The following BMP1 variants were observed in gnomAD, a reference collection of about 807,000 sequenced individuals.
BMP1 encodes the protein mammalian tolloid protein.
BMP1 carries 63 observed loss-of-function variants against 116.8 expected under a neutral mutation model. That is an observed-to-expected ratio of 0.54 (90% CI 0.44 to 0.67). BMP1 has a LOEUF of 0.67. Among genes scored for constraint, BMP1 ranks in the 30% least tolerant of loss-of-function variants. The probability of loss-of-function intolerance (pLI) is 0.00; values close to 1 mark genes in which losing one functional copy is unlikely to be tolerated. For missense variants in BMP1, 1,183 were observed against 1,358.9 expected (o/e 0.87, Z 2.04); for synonymous variants, 536 against 533.4 (o/e 1.00, Z -0.07).
chr8:22,203,675 A>T (rs1829302584), intron 16 of BMP1, among the ~76,000 whole-genome samples: 1 of 152,222 alleles, frequency 6.6e-6, no homozygotes, highest in South Asian at 2.1e-4. Flanking sequence ...GGTTAGGTTG[A>T]CAACCCAGGT....
rs904296919 is a variant in BMP1 at position 22,177,908 on chromosome 8, A to G, written c.787A>G (p.Thr263Ala). The stretch of plus-strand genomic sequence containing the variant: ...TCAGGAGGTGGAGTCCCTGGGGGAG[A>G]CCTATGACTTCGACAGCATCATGCA... ...EPQEVESLGE[T>A]YDFDSIMHYA... Residue 263 changes from threonine to alanine, a missense_variant, in exon 6 of 20, where the codon ACC becomes GCC. Physicochemically the swap from Thr to Ala is moderately conservative, Grantham distance 58. This residue lies in a region of BMP1 where 956 missense variants were observed against 1,135.2 expected (regional missense o/e 0.84). Coordinates refer to ENST00000306385, the MANE Select transcript of BMP1 (RefSeq NM_006129.5). 1.1e-5 allele frequency: 18 copies of G among 1,613,124 alleles called. No homozygotes were observed. The African/African-American group carries it at 1.7e-4, about 16-fold the overall frequency.
Position 22,197,280 on chromosome 8 carries a change from C to T in BMP1, c.1967C>T (p.Thr656Ile). 1 of 1,613,836 alleles carries T rather than the reference C, an allele frequency of 6.2e-7. No individual in the cohort carries two copies. Among genetic ancestry groups the T allele is most frequent in the South Asian group, 1.1e-5 (1 of 91,082 alleles). ...YDFVEVRSGL[T>I]ADSKLHGKFC... Reference sequence around the variant, plus strand: ...TTCGTGGAGGTGCGCAGTGGACTCACAGCTGACTCCAAGCTGCATGGCAAG... The same window carrying T: ...TTCGTGGAGGTGCGCAGTGGACTCATAGCTGACTCCAAGCTGCATGGCAAG... Residue 656 changes from threonine to isoleucine, a missense_variant, in exon 15 of 20, where the codon ACA becomes ATA. Around this residue, in one of 4 missense-constraint regions of BMP1, gnomAD observed 956 missense variants for 1,135.2 expected, o/e 0.84. Transcript: ENST00000306385.
At chr8:22,209,406 C>T (rs765233283) in intron 18 of BMP1, 39 bp from the exon 19 acceptor site, 160 of 1,604,474 alleles carry the variant, frequency 1.0e-4, no homozygotes, top group East Asian at 7.8e-4. Context: ...CTGGCACCTG[C>T]GGTGCTCAGG....
chr8:22,211,223 T>C (rs1239072227), intron 19 of BMP1, among the ~76,000 whole-genome samples: 1 of 152,218 alleles, frequency 6.6e-6, no homozygotes, highest in East Asian at 1.9e-4. Context: ...GCAAAATACT[T>C]TGACATCGGT....
Position 22,192,106 on chromosome 8 carries a change from TATGTGGAGGTCCGAGATGGCTTCTGGAGG to T in BMP1, c.1137_1165del (p.Tyr379Ter). Reference sequence around the variant, plus strand: ...CCGCAGCCGCCTGTGCTGGTACGACTATGTGGAGGTCCGAGATGGCTTCTGGAGGAAGGCGCCCCTCCGAGGTAACGGCA... The same window carrying T: ...CCGCAGCCGCCTGTGCTGGTACGACTAAGGCGCCCCTCCGAGGTAACGGCA... On this transcript the variant is annotated frameshift_variant, in exon 9 of 20. Coordinates refer to ENST00000306385, the MANE Select transcript of BMP1 (RefSeq NM_006129.5). LOFTEE classifies it high-confidence loss of function. The T allele has an allele frequency of 6.2e-7, 1 of 1,613,962 alleles. No homozygotes were observed. Among genetic ancestry groups the T allele is most frequent in the Non-Finnish European group, 8.5e-7 (1 of 1,179,890 alleles).
At chr8:22,189,436 A>ACACG (rs1480626826) in intron 8 of BMP1, among the ~76,000 whole-genome samples, 1 of 144,866 alleles carries the variant, frequency 6.9e-6, no homozygotes, top group Non-Finnish European at 1.5e-5. Context: ...ATGGAGATAC[A>ACACG]CACACACACA....
At chr8:22,176,780 A>G (rs1015968615) in intron 4 of BMP1, 130 bp downstream of exon 4, 2 of 1,090,016 alleles carry the variant, frequency 1.8e-6, no homozygotes, top group Non-Finnish European at 2.7e-6. Context: ...TGGGGCATCT[A>G]CCCAGGAACT....
rs73670371 is a variant in BMP1, at chr8:22,185,099, A to C, written c.1077+4616A>C. On this transcript the variant is annotated intron_variant, in intron 8 of 19. Coordinates refer to ENST00000306385, the MANE Select transcript of BMP1 (RefSeq NM_006129.5). Reference sequence around the variant, plus strand: ...CTTGTAATTAGCAGCTGGCGCGGAGAGGACTGACAGTGTTTCCCCAGCAAC... The same window carrying C: ...CTTGTAATTAGCAGCTGGCGCGGAGCGGACTGACAGTGTTTCCCCAGCAAC... Among the ~76,000 whole-genome samples, 1,086 of 152,242 alleles carry C rather than the reference A, an allele frequency of 7.1e-3. 10 individuals carry two copies. The highest frequency in any genetic ancestry group is 0.025 in the African/African-American group (1,032 of 41,544).
chr8:22,172,242 G>A (rs1476239091), intron 1 of BMP1, among the ~76,000 whole-genome samples: 1 of 152,188 alleles, frequency 6.6e-6, no homozygotes, highest in African/African-American at 2.4e-5. Context: ...CCCACCTGTA[G>A]CCCAGCCTCC....
intron 2 of BMP1, among the ~76,000 whole-genome samples, chr8:22,173,938 CA>C (rs1828357404): frequency 6.6e-6 from 1 of 152,240 alleles, no homozygotes; most frequent in Non-Finnish European, 1.5e-5. Flanking sequence ...TTTTTGTTTA[CA>C]GTTTAAAAAC....
At chr8:22,198,403 T>A (rs1026143201) in intron 15 of BMP1, 2 of 152,284 alleles carry the variant, frequency 1.3e-5, no homozygotes, top group African/African-American at 4.8e-5. Flanking sequence ...TCTCAGCTGA[T>A]CCTCCGGGTC....
intron 1 of BMP1, among the ~76,000 whole-genome samples, chr8:22,167,664 C>T (rs1019652782): frequency 3.9e-5 from 6 of 152,180 alleles, no homozygotes; most frequent in Non-Finnish European, 5.9e-5. Flanking sequence ...CTGGAGAAAG[C>T]ACTCCAACTG....
chr8:22,208,174 G>A (rs748325047), intron 18 of BMP1, among the ~76,000 whole-genome samples: 9 of 152,180 alleles, frequency 5.9e-5, no homozygotes, highest in Non-Finnish European at 8.8e-5. Context: ...GTGAGCCACC[G>A]TGCCCAGCCC....
rs778259230 is a variant in BMP1, at chr8:22,207,292, C to T, written c.2362-11C>T. 26 of 1,604,268 alleles carry T rather than the reference C, an allele frequency of 1.6e-5. No individual in the cohort carries two copies. Among genetic ancestry groups the T allele is most frequent in the Admixed American group, 1.0e-4 (6 of 59,842 alleles). On this transcript the variant is annotated splice_polypyrimidine_tract_variant and intron_variant, in intron 17 of 19. Coordinates refer to ENST00000306385, the MANE Select transcript of BMP1 (RefSeq NM_006129.5). Reference sequence around the variant, plus strand: ...AAATTTTTAATCTGTGCTCCTTCCTCATCCCCCTAGACCTTCATGGAGATG... The same window carrying T: ...AAATTTTTAATCTGTGCTCCTTCCTTATCCCCCTAGACCTTCATGGAGATG...
In BMP1 at chr8:22,194,127, G is replaced by A. The variant is rs750136928; in HGVS notation, c.1250G>A (p.Arg417His). Residue 417 changes from arginine (R) to histidine (H), a missense_variant, in exon 10 of 20, where the codon CGC becomes CAC. This residue lies in a region of BMP1 where 956 missense variants were observed against 1,135.2 expected (regional missense o/e 0.84). Transcript: ENST00000306385. This position sits in a 1 kb window ranked among gnomAD's most constrained non-coding sequence, Gnocchi z 4.5. ...STDSRLWVEFRSSSNWVGKGF... is the reference protein window; with the variant it reads ...STDSRLWVEFHSSSNWVGKGF... ...GACAGCCGCCTCTGGGTTGAATTCC[G>A]CAGCAGCAGCAATTGGGTTGGAAAG... The A allele has an allele frequency of 9.3e-6, 15 of 1,613,844 alleles. No homozygotes were observed. Among genetic ancestry groups the A allele is most frequent in the South Asian group, 1.1e-5 (1 of 91,046 alleles).
At chr8:22,172,150 G>T (rs555469575) in intron 1 of BMP1, among the ~76,000 whole-genome samples, 1 of 152,094 alleles carries the variant, frequency 6.6e-6, no homozygotes, top group African/African-American at 2.4e-5. Flanking sequence ...TGTGTAACGC[G>T]ACCGCCAGGC....
At chr8:22,196,913 C>T (rs1829109721) in intron 14 of BMP1, 73 bp downstream of exon 14, 1 of 1,513,862 alleles carries the variant, frequency 6.6e-7, no homozygotes, top group Non-Finnish European at 8.9e-7. Context: ...TGCCTGCTTC[C>T]TGTCCTCTGA....
intron 1 of BMP1, chr8:22,169,638 A>G (rs4342591): frequency 0.82 from 124,879 of 152,278 alleles, 51,622 homozygotes; most frequent in African/African-American, 0.92. Flanking sequence ...CAGGGGTTTG[A>G]GTGTGTCATC....
chr8:22,168,589 C>A (rs1403054911), intron 1 of BMP1, among the ~76,000 whole-genome samples: 2 of 152,188 alleles, frequency 1.3e-5, no homozygotes. Flanking sequence ...AGGGGCAGCA[C>A]TTACCAGCCC....
Sources: gnomAD v4.1 joint callset for allele counts (sites outside exome capture counted in the v4.1 genomes callset) on GRCh38, gnomAD v4.1.1 for gene constraint, gnomAD v4.1.1 regional missense constraint, Gnocchi (gnomAD v3.1) non-coding constraint, MANE v1.5 for transcripts, NCBI Gene and HGNC (gene_info 2026-07-23, HGNC 2026-07-21) for gene names.